GLI3: variants seen among roughly 807,000 people sequenced by gnomAD.
GLI3 encodes the protein GLI family zinc finger 3, also known as transcription activator GLI3.
In GLI3, 20 loss-of-function variants were observed where a neutral mutation model predicts 100.8. That is an observed-to-expected ratio of 0.20 (90% confidence interval 0.14 to 0.29). GLI3 has a LOEUF of 0.29. Ranked by LOEUF, GLI3 falls within the 10% of genes least tolerant of loss-of-function variation. The probability of loss-of-function intolerance (pLI) is 1.00; values close to 1 mark genes in which losing one functional copy is unlikely to be tolerated. For missense variants in GLI3, 2,040 were observed against 2,128.5 expected, an observed-to-expected ratio of 0.96 and a Z score of 0.82; for synonymous variants, 938 against 860.5, an observed-to-expected ratio of 1.09 and a Z score of -1.58.
In GLI3 at chr7:41,977,787, C is replaced by A; in HGVS notation, c.1648-65G>T. On this transcript the variant is annotated intron_variant, in intron 11 of 14. Transcript: ENST00000395925. ...GCAACAGCAGCTTATGCCTAACACG[C>A]CCTCCAAGTTGATGAAAAACTGATG... The A allele has an allele frequency of 2.1e-6, 3 of 1,411,328 alleles. No homozygotes were observed. The South Asian group carries it at 3.4e-5, about 16-fold the overall frequency. 87.4% of individuals were successfully genotyped at this position (1,411,328 alleles called of 1,614,324 possible).
At chr7:42,103,882 C>A (rs921883328) in intron 3 of GLI3, among the ~76,000 whole-genome samples, 2 of 152,164 alleles carry the variant, frequency 1.3e-5, no homozygotes, top group Non-Finnish European at 2.9e-5. Context: ...TCTGATAATG[C>A]ATTACCATGA....
intron 3 of GLI3, among the ~76,000 whole-genome samples, chr7:42,132,877 A>G (rs552272380): frequency 2.0e-5 from 3 of 152,286 alleles, no homozygotes; most frequent in Admixed American, 6.5e-5. Context: ...TGAGACTGGA[A>G]AAAAGACCCT....
intron 4 of GLI3, among the ~76,000 whole-genome samples, chr7:42,067,323 AAC>A (rs1490590213): frequency 1.3e-5 from 2 of 152,182 alleles, no homozygotes; most frequent in Admixed American, 6.5e-5. Context: ...GATTACTTTG[AAC>A]AGAGGCAAGA....
chr7:42,172,425 AG>A, intron 2 of GLI3: 1 of 613,638 alleles, frequency 1.6e-6, no homozygotes, highest in Non-Finnish European at 2.9e-6. Context: ...ATCAAAAAGC[AG>A]AATTAGATAG....
chr7:41,987,660 AT>A (rs1466293562), intron 10 of GLI3, among the ~76,000 whole-genome samples: 1 of 152,210 alleles, frequency 6.6e-6, no homozygotes, highest in Non-Finnish European at 1.5e-5. Flanking sequence ...GCCAAAAAAC[AT>A]CATACGCTAA....
At chr7:42,135,689 C>G (rs868661560) in intron 3 of GLI3, among the ~76,000 whole-genome samples, 1 of 152,162 alleles carries the variant, frequency 6.6e-6, no homozygotes, top group Non-Finnish European at 1.5e-5. Flanking sequence ...TGCACGGGCC[C>G]TGCTATCTAT....
chr7:42,235,455 G>A (rs1298812846), intron 1 of GLI3, among the ~76,000 whole-genome samples: 1 of 152,038 alleles, frequency 6.6e-6, no homozygotes, highest in Non-Finnish European at 1.5e-5. Flanking sequence ...TGCCCAATGC[G>A]CTCAAGCTGA....
chr7:42,191,655 A>AATAT (rs148053031), intron 2 of GLI3, among the ~76,000 whole-genome samples: 162 of 148,746 alleles, frequency 1.1e-3, no homozygotes, highest in Non-Finnish European at 1.9e-3. Flanking sequence ...CGTTTCAAAA[A>AATAT]ATATATATAT....
chr7:41,990,447 G>T (rs1310366527), intron 10 of GLI3, among the ~76,000 whole-genome samples: 3 of 152,112 alleles, frequency 2.0e-5, no homozygotes, highest in Non-Finnish European at 2.9e-5. Flanking sequence ...TTGAATGGGT[G>T]GTCTCTGTCT....
At position 42,183,410 on chromosome 7, in the gene GLI3, G is replaced by C. The variant is rs185617612; in HGVS notation, c.125-34942C>G. ...TGTGCCAGGCTGTTATTTGGGTGGG[G>C]GGCAAATCAGGAAGGGGCCTGAGGC... On this transcript the variant is annotated intron_variant, in intron 2 of 14. Coordinates refer to ENST00000395925, the MANE Select transcript of GLI3 (RefSeq NM_000168.6). Among the ~76,000 whole-genome samples the C allele has an allele frequency of 2.1e-3, 319 of 152,174 alleles. 2 individuals carry two copies. The highest frequency in any genetic ancestry group is 7.0e-3 in the African/African-American group (292 of 41,514).
intron 3 of GLI3, among the ~76,000 whole-genome samples, chr7:42,134,278 C>T (rs564656112): frequency 1.3e-4 from 20 of 152,032 alleles, no homozygotes; most frequent in Middle Eastern, 3.4e-3. Flanking sequence ...GTCACCAATG[C>T]GAAATATTAA....
At chr7:42,254,540 G>T (rs955186984) in intron 1 of GLI3, among the ~76,000 whole-genome samples, 3 of 152,188 alleles carry the variant, frequency 2.0e-5, no homozygotes, top group Non-Finnish European at 4.4e-5. Context: ...AGTGACTTTA[G>T]TCAGAACATT....
intron 10 of GLI3, among the ~76,000 whole-genome samples, chr7:41,985,222 T>C (rs1374860192): frequency 3.3e-5 from 5 of 152,224 alleles, no homozygotes; most frequent in African/African-American, 1.2e-4. Flanking sequence ...AAAATAAAAC[T>C]GAAACATTCT....
rs184293495 is a variant in GLI3 at position 42,028,951 on chromosome 7, C to A, written c.1029-2539G>T. ...AGCTCTTCACATACTTTGGCCATATCCCCATTCAGGGCCTCCACCTTTTTG... is the reference window on the plus strand; with the variant it reads ...AGCTCTTCACATACTTTGGCCATATACCCATTCAGGGCCTCCACCTTTTTG... On this transcript the variant is annotated intron_variant, in intron 7 of 14. Coordinates refer to ENST00000395925, the MANE Select transcript of GLI3 (RefSeq NM_000168.6). 1.5e-3 allele frequency among the ~76,000 whole-genome samples: 234 copies of A among 152,270 alleles called. 1 individual carries two copies. The highest frequency in any genetic ancestry group is 5.2e-3 in the African/African-American group (218 of 41,554).
intron 3 of GLI3, among the ~76,000 whole-genome samples, chr7:42,116,823 AGGTCTCATAAGAGACCTCTTATTAT>A (rs139609322): frequency 0.098 from 14,928 of 152,054 alleles, 1,621 homozygotes; most frequent in African/African-American, 0.27. Context: ...ATTTAATAAG[AGGTCTCATAAGAGACCTCTTATTAT>A]GGTCTCATAA....
At chr7:42,106,360 C>T (rs1020162630) in intron 3 of GLI3, among the ~76,000 whole-genome samples, 2 of 152,256 alleles carry the variant, frequency 1.3e-5, no homozygotes, top group African/African-American at 4.8e-5. Context: ...ACCCCTCTTG[C>T]TCCTGCAGAA....
intron 7 of GLI3, among the ~76,000 whole-genome samples, chr7:42,030,052 A>G (rs1789241288): frequency 6.6e-6 from 1 of 152,098 alleles, no homozygotes; most frequent in South Asian, 2.1e-4. Flanking sequence ...ACTGTTTATT[A>G]CCTTACAGTT....
At chr7:42,231,249 T>A (rs189120056) in intron 1 of GLI3, among the ~76,000 whole-genome samples, 4 of 152,320 alleles carry the variant, frequency 2.6e-5, no homozygotes, top group African/African-American at 9.6e-5. Flanking sequence ...CCCAAAGGTA[T>A]TTAACATTTT....
At chr7:42,197,159 A>C (rs376124626) in intron 2 of GLI3, among the ~76,000 whole-genome samples, 1 of 152,152 alleles carries the variant, frequency 6.6e-6, no homozygotes. Context: ...TTTCTCTACT[A>C]TATGTGTCCC....
Sources: gnomAD v4.1 joint callset for allele counts (sites outside exome capture counted in the v4.1 genomes callset) on GRCh38, gnomAD v4.1.1 for gene constraint, MANE v1.5 for transcripts, NCBI Gene and HGNC (gene_info 2026-07-23, HGNC 2026-07-21) for gene names.